The following DCHS1 variants were observed in gnomAD, a reference collection of about 807,000 sequenced individuals.
The protein encoded by DCHS1 is protocadherin-16.
In DCHS1, 78 loss-of-function variants were observed where a neutral mutation model predicts 213.9. That is an observed-to-expected ratio of 0.36 (90% CI 0.30 to 0.44). The LOEUF (loss-of-function observed/expected upper bound fraction) is 0.44. DCHS1 is among the 20% of genes least tolerant of loss of function. DCHS1 has a pLI of 1.00. For missense variants in DCHS1, 3,946 were observed against 4,395.9 expected, an observed-to-expected ratio of 0.90 and a Z score of 2.89; for synonymous variants, 1,828 against 1,873.7, an observed-to-expected ratio of 0.98 and a Z score of 0.63.
At position 6,640,023 on chromosome 11, in the gene DCHS1, T is replaced by C; in HGVS notation, c.1591A>G (p.Thr531Ala). ...FSIDPTSGII[T>A]TAASLDYELE... ...TCATAGTCCAGTGAGGCAGCCGTAG[T>C]GATAATGCCTGAGGTGGGGTCAATG... Residue 531 changes from threonine to alanine, a missense_variant, in exon 2 of 21, where the codon ACT becomes GCT. Thr to Ala is a moderately conservative substitution (Grantham distance 58). This residue lies in a region of DCHS1 where 3,384 missense variants were observed against 3,780.1 expected (regional missense o/e 0.90). Coordinates refer to ENST00000299441, the MANE Select transcript of DCHS1 (RefSeq NM_003737.4). The surrounding 1 kb of genome is among the most constrained non-coding windows in gnomAD (Gnocchi z 6.5). 1.9e-6 allele frequency: 3 copies of C among 1,613,848 alleles called. No homozygotes were observed. The highest frequency in any genetic ancestry group is 2.5e-6 in the Non-Finnish European group (3 of 1,179,760).
At chr11:6,655,502 A>G in intron 1 of DCHS1, 61 bp downstream of exon 1, 5 of 932,098 alleles carry the variant, frequency 5.4e-6, no homozygotes, top group Non-Finnish European at 6.4e-6. Flanking sequence ...GCCGCAGCCC[A>G]GGGGAGGCCG....
chr11:6,625,363 A>G lies in DCHS1; in HGVS notation c.6981T>C (p.Tyr2327=), dbSNP rs1377402073. 1.9e-6 allele frequency: 3 copies of G among 1,613,520 alleles called. No homozygotes were observed. Among genetic ancestry groups the G allele is most frequent in the African/African-American group, 2.7e-5 (2 of 74,904 alleles). The change falls in exon 19 of 21, where the codon TAT becomes TAC. Residue 2327 remains tyrosine (Y), a synonymous_variant. Coordinates refer to ENST00000299441, the MANE Select transcript of DCHS1 (RefSeq NM_003737.4). The surrounding 1 kb of genome is among the most constrained non-coding windows in gnomAD (Gnocchi z 5.3). ...GPQDPFSVGR[Y]GGRVSLTGPL... The stretch of plus-strand genomic sequence containing the variant: ...GCCCCGTGAGGGAGACACGGCCTCC[A>G]TAGCGGCCAACACTGAAGGGATCCT...
At chr11:6,624,432 G>T in intron 20 of DCHS1, 42 bp from the exon 21 acceptor site, 1 of 1,502,072 alleles carries the variant, frequency 6.7e-7, no homozygotes. Context: ...TTCAGCAAAG[G>T]CTGTGAGTGA....
At chr11:6,639,278 G>T (rs1235503508) in intron 2 of DCHS1, among the ~76,000 whole-genome samples, 4 of 152,108 alleles carry the variant, frequency 2.6e-5, no homozygotes, top group Non-Finnish European at 5.9e-5. Context: ...TTCTCAGCCT[G>T]TCCAGGGTTC....
chr11:6,624,845 G>A lies in DCHS1; in HGVS notation c.7170C>T (p.Pro2390=). The change falls in exon 20 of 21, where the codon CCC becomes CCT. Residue 2390 remains proline (P), a synonymous_variant. Coordinates refer to ENST00000299441, the MANE Select transcript of DCHS1 (RefSeq NM_003737.4). ...AGACGGAGAGAATGGCACTGCCTGGGGGTGTGTGCTCAAGCAGCATTACCT... is the reference window on the plus strand; with the variant it reads ...AGACGGAGAGAATGGCACTGCCTGGAGGTGTGTGCTCAAGCAGCATTACCT... ...LYQVMLLEHT[P]PGSAILSVSA... The A allele has an allele frequency of 6.2e-7, 1 of 1,613,914 alleles. No individual in the cohort carries two copies. The highest frequency in any genetic ancestry group is 8.5e-7 in the Non-Finnish European group (1 of 1,179,866).
chr11:6,655,675 G>C lies in DCHS1; in HGVS notation c.-233C>G, dbSNP rs900130163. 3 of 979,090 alleles carry C rather than the reference G, an allele frequency of 3.1e-6. No homozygotes were observed. Among genetic ancestry groups the C allele is most frequent in the Non-Finnish European group, 3.6e-6 (3 of 827,068 alleles). 60.7% of individuals were successfully genotyped at this position (979,090 alleles called of 1,614,324 possible). A position where few individuals can be genotyped will look rare whatever the true frequency, so the allele number is the denominator to read the frequency against. ...CTGAGGCCGCGCATCGTCCGCAGTC[G>C]CTGTCTCCGAGGCCCGCGATCCCCT... On this transcript the variant is annotated 5_prime_UTR_variant, in exon 1 of 21. Coordinates refer to ENST00000299441, the MANE Select transcript of DCHS1 (RefSeq NM_003737.4).
intron 1 of DCHS1, among the ~76,000 whole-genome samples, chr11:6,651,970 T>C (rs1856251517): frequency 6.6e-6 from 1 of 152,028 alleles, no homozygotes; most frequent in Non-Finnish European, 1.5e-5. Context: ...AGCCTATAGA[T>C]GTTAATAAAA....
rs113171261 is a variant in DCHS1 at position 6,651,882 on chromosome 11, G to C, written c.-121+3681C>G. On this transcript the variant is annotated intron_variant, in intron 1 of 20. Coordinates refer to ENST00000299441, the MANE Select transcript of DCHS1 (RefSeq NM_003737.4). Reference sequence around the variant, plus strand: ...CAGGTTTGCACATGATAAGGGGTCGGTGAGCTATACAGTAAAGAGCAGGCA... The same window carrying C: ...CAGGTTTGCACATGATAAGGGGTCGCTGAGCTATACAGTAAAGAGCAGGCA... Among the ~76,000 whole-genome samples the C allele has an allele frequency of 9.7e-4, 147 of 152,306 alleles. 1 individual carries two copies. Among genetic ancestry groups the C allele is most frequent in the African/African-American group, 3.2e-3 (133 of 41,534 alleles).
Position 6,629,590 on chromosome 11 carries a change from A to G in DCHS1, c.5036-13T>C. ...TGCCCGTTGGCCCCTGAGGAGGGGC[A>G]GCATGGAGGGCGATCAGAGGGTAAA... On this transcript the variant is annotated splice_polypyrimidine_tract_variant and intron_variant, in intron 11 of 20. Transcript: ENST00000299441. 1 of 1,613,654 alleles carries G rather than the reference A, an allele frequency of 6.2e-7. No homozygotes were observed. Among genetic ancestry groups the G allele is most frequent in the South Asian group, 1.1e-5 (1 of 90,996 alleles).
chr11:6,644,014 A>G (rs1210069406), intron 1 of DCHS1, among the ~76,000 whole-genome samples: 1 of 152,176 alleles, frequency 6.6e-6, no homozygotes, highest in Non-Finnish European at 1.5e-5. Flanking sequence ...CCAAATTGCC[A>G]CATCCCAGTC....
Position 6,633,513 on chromosome 11 carries a change from G to T in DCHS1, c.2354C>A (p.Pro785His). 1 of 1,584,316 alleles carries T rather than the reference G, an allele frequency of 6.3e-7. No homozygotes were observed. Among genetic ancestry groups the T allele is most frequent in the Non-Finnish European group, 8.6e-7 (1 of 1,164,746 alleles). Residue 785 changes from proline to histidine, a missense_variant, in exon 5 of 21, where the codon CCC (proline) becomes CAC (histidine). Physicochemically the swap from Pro to His is moderately conservative, Grantham distance 77. Around this residue, in one of 3 missense-constraint regions of DCHS1, gnomAD observed 3,384 missense variants for 3,780.1 expected, o/e 0.90. Transcript: ENST00000299441. ...TAGTTGCTCAAATATGGGTGGTGTG[G>T]GGGTTCCAGGCACAATGCTGATGTC... Reference protein sequence around the residue: ...RVDISIVPGTPTPPIFEQLQY... With the variant: ...RVDISIVPGTHTPPIFEQLQY...
intron 1 of DCHS1, among the ~76,000 whole-genome samples, chr11:6,655,154 G>A (rs59370113): frequency 0.079 from 11,954 of 152,106 alleles, 1,074 homozygotes; most frequent in African/African-American, 0.22. Flanking sequence ...CACCCTCACA[G>A]GGACTCGCTC....
At position 6,641,448 on chromosome 11, in the gene DCHS1, G is replaced by C. The variant is rs532219596; in HGVS notation, c.166C>G (p.Pro56Ala). 2.0e-5 allele frequency: 32 copies of C among 1,604,262 alleles called. 2 individuals are homozygous for C. The South Asian group carries it at 3.6e-4, about 18-fold the overall frequency. The change falls in exon 2 of 21, where the codon CCA becomes GCA. Residue 56 changes from proline to alanine, a missense_variant. Pro to Ala is a conservative substitution (Grantham distance 27, BLOSUM62 -1). This residue lies in a region of DCHS1 where 3,384 missense variants were observed against 3,780.1 expected (regional missense o/e 0.90). Transcript: ENST00000299441. This position sits in a 1 kb window ranked among gnomAD's most constrained non-coding sequence, Gnocchi z 7.1. ...ATGTCGCCAATCAGTGTACCCGCTG[G>C]CTGCTCCTCATCAATCTGCAAGTCC... ...SLDLQIDEEQ[P>A]AGTLIGDISA...
intron 1 of DCHS1, among the ~76,000 whole-genome samples, chr11:6,649,728 C>T (rs535108633): frequency 6.6e-5 from 10 of 152,080 alleles, no homozygotes; most frequent in South Asian, 4.2e-4. Flanking sequence ...AGCTGGGGCA[C>T]GGGGTAGTGA....
chr11:6,651,694 T>G (rs1204768166), intron 1 of DCHS1, among the ~76,000 whole-genome samples: 1 of 152,018 alleles, frequency 6.6e-6, no homozygotes, highest in Non-Finnish European at 1.5e-5. Context: ...GAAAAGGGGA[T>G]GGGATATCAG....
At chr11:6,638,411 ACCTGGCT>A (rs1856018411) in intron 2 of DCHS1, among the ~76,000 whole-genome samples, 1 of 152,120 alleles carries the variant, frequency 6.6e-6, no homozygotes, top group Non-Finnish European at 1.5e-5. Flanking sequence ...TGAATTTGTG[ACCTGGCT>A]CCTGTCTACT....
At chr11:6,646,381 A>C (rs1856155669) in intron 1 of DCHS1, among the ~76,000 whole-genome samples, 1 of 150,396 alleles carries the variant, frequency 6.6e-6, no homozygotes, top group African/African-American at 2.5e-5. Flanking sequence ...CGAACTCCAG[A>C]CTCTCTCCCG....
chr11:6,649,819 G>A (rs1856219411), intron 1 of DCHS1, among the ~76,000 whole-genome samples: 1 of 152,128 alleles, frequency 6.6e-6, no homozygotes, highest in South Asian at 2.1e-4. Flanking sequence ...GCCAGAGCTA[G>A]CAGAAAAGTT....
Position 6,634,028 on chromosome 11 carries a change from G to T in DCHS1, c.1987-8C>A, listed in dbSNP as rs762238928. ...CATGGACTTGAGGCCTCCCTGGTGG[G>T]ACATGCAGCCATAGGTCAGGTGGGC... On this transcript the variant is annotated splice_polypyrimidine_tract_variant and splice_region_variant and intron_variant, in intron 3 of 20. Coordinates refer to ENST00000299441, the MANE Select transcript of DCHS1 (RefSeq NM_003737.4). 1.9e-6 allele frequency: 3 copies of T among 1,612,796 alleles called. No individual in the cohort carries two copies. Among genetic ancestry groups the T allele is most frequent in the Non-Finnish European group, 2.5e-6 (3 of 1,179,270 alleles).
Sources: allele counts gnomAD v4.1 joint callset (sites outside exome capture counted in the v4.1 genomes callset), GRCh38; gene constraint gnomAD v4.1.1; regional missense constraint gnomAD v4.1.1; non-coding constraint Gnocchi (gnomAD v3.1); transcripts MANE v1.5; gene names NCBI Gene and HGNC (gene_info 2026-07-23, HGNC 2026-07-21).